The following TRIM28 variants were observed in gnomAD, a reference collection of about 807,000 sequenced individuals.
The protein encoded by TRIM28 is transcription intermediary factor 1-beta.
A neutral mutation model predicts 87.4 loss-of-function variants in TRIM28; 8 were observed. The observed-to-expected ratio is 0.09, with a 90% CI of 0.05 to 0.17. The LOEUF (loss-of-function observed/expected upper bound fraction) is 0.17, where lower values mean the gene tolerates loss of function less well. Ranked by LOEUF, TRIM28 falls within the 10% of genes least tolerant of loss-of-function variation. The pLI, the probability that TRIM28 is intolerant of heterozygous loss-of-function variation, is 1.00. For missense variants in TRIM28, 968 were observed against 1,131.8 expected, an observed-to-expected ratio of 0.86 and a Z score of 2.08; for synonymous variants, 601 against 454.3, an observed-to-expected ratio of 1.32 and a Z score of -4.11.
At position 58,545,531 on chromosome 19, in the gene TRIM28, G is replaced by A; in HGVS notation, c.447G>A (p.Ala149=). ...AGGCTGCCACCGACGCCCAGGATGC[G>A]AACCAGGTGCGTCCTATCTCAGCAA... The part of the protein sequence containing the change: ...GSKAATDAQD[A]NQCCTSCEDN... Residue 149 remains alanine (A), a synonymous_variant, in exon 2 of 17, where the codon GCG becomes GCA. Coordinates refer to ENST00000253024, the MANE Select transcript of TRIM28 (RefSeq NM_005762.3). 6.2e-7 allele frequency: 1 copy of A among 1,610,018 alleles called. No individual in the cohort carries two copies. The highest frequency in any genetic ancestry group is 1.1e-5 in the South Asian group (1 of 90,970).
At chr19:58,545,222 T>G in intron 1 of TRIM28, 125 bp downstream of exon 1, 1 of 988,260 alleles carries the variant, frequency 1.0e-6, no homozygotes, top group Non-Finnish European at 1.4e-6. Context: ...GGGAAATACT[T>G]TCTGGGTCCT....
rs565038877 is a variant in TRIM28, at chr19:58,545,154, C to G, written c.340+57C>G. 5.9e-6 allele frequency: 8 copies of G among 1,355,350 alleles called. 1 individual carries two copies. In the South Asian group the frequency reaches 1.1e-4, roughly 19 times the overall value. 84.0% of individuals were successfully genotyped at this position (1,355,350 alleles called of 1,614,324 possible). A position where few individuals can be genotyped will look rare whatever the true frequency, so the allele number is the denominator to read the frequency against. ...CCCTACTCTCTGCCTTTGATTCCGA[C>G]TGGGTGCAGAGATGAGGATGCCACC... On this transcript the variant is annotated intron_variant, in intron 1 of 16. Transcript: ENST00000253024.
chr19:58,548,257 G>C, intron 7 of TRIM28, 37 bp from the exon 8 acceptor site: 1 of 1,613,884 alleles, frequency 6.2e-7, no homozygotes, highest in Non-Finnish European at 8.5e-7. Context: ...TTTGTTGTTG[G>C]TGTGCTCATT....
rs749537245 is a variant in TRIM28 at position 58,549,907 on chromosome 19, A to G, written c.2107-42A>G. On this transcript the variant is annotated intron_variant, in intron 14 of 16. Coordinates refer to ENST00000253024, the MANE Select transcript of TRIM28 (RefSeq NM_005762.3). This position sits in a 1 kb window ranked among gnomAD's most constrained non-coding sequence, Gnocchi z 4.4. ...GTGGGGTTGCCCAGAGAGGCTTTAT[A>G]GGTGCTGCCCAGAGCTGTGACATCC... is the stretch of plus-strand genomic sequence containing the variant. 2.3e-5 allele frequency: 37 copies of G among 1,613,854 alleles called. No homozygotes were observed. Among genetic ancestry groups the G allele is most frequent in the Non-Finnish European group, 2.8e-5 (33 of 1,179,966 alleles).
chr19:58,547,131 C>A, intron 3 of TRIM28: 1 of 505,520 alleles, frequency 2.0e-6, no homozygotes, highest in Non-Finnish European at 3.6e-6. Flanking sequence ...CTTACCCTTA[C>A]ATTGTTGTTA....
At position 58,550,053 on chromosome 19, in the gene TRIM28, A is replaced by C. The variant is rs1480127849; in HGVS notation, c.2193+18A>C. On this transcript the variant is annotated intron_variant, in intron 15 of 16. Transcript: ENST00000253024. ...TCTCCCTGGTGAGTCCTAGGATGGGAAAGGGGAAGGGGGTGGTGGCTGCTG... is the reference window on the plus strand; with the variant it reads ...TCTCCCTGGTGAGTCCTAGGATGGGCAAGGGGAAGGGGGTGGTGGCTGCTG... The C allele has an allele frequency of 6.2e-7, 1 of 1,613,754 alleles. No individual in the cohort carries two copies. The highest frequency in any genetic ancestry group is 8.5e-7 in the Non-Finnish European group (1 of 1,179,894).
At position 58,549,216 on chromosome 19, in the gene TRIM28, C is replaced by G. The variant is rs2053790872; in HGVS notation, c.1638C>G (p.Pro546=). 1 of 1,613,694 alleles carries G rather than the reference C, an allele frequency of 6.2e-7. No homozygotes were observed. Among genetic ancestry groups the G allele is most frequent in the Non-Finnish European group, 8.5e-7 (1 of 1,179,768 alleles). Residue 546 remains proline (P), a synonymous_variant, in exon 12 of 17, where the codon CCC becomes CCG. Transcript: ENST00000253024. This position sits in a 1 kb window ranked among gnomAD's most constrained non-coding sequence, Gnocchi z 4.4. ...CTGCAGGAACCCCTGGTGCCCCACC[C>G]CTGGCTGGCATGGCCATTGTCAAGG... The part of the protein sequence containing the change: ...TAPAGTPGAP[P]LAGMAIVKEE...
chr19:58,550,352 T>A (rs746735509), intron 16 of TRIM28, 25 bp from the exon 17 acceptor site: 7 of 1,612,744 alleles, frequency 4.3e-6, no homozygotes, highest in Non-Finnish European at 5.9e-6. Context: ...GACCCATTCA[T>A]CCACTGCATT....
Position 58,547,591 on chromosome 19 carries a change from T to C in TRIM28, c.723-6T>C. 2 of 1,613,914 alleles carry C rather than the reference T, an allele frequency of 1.2e-6. No individual in the cohort carries two copies. Among genetic ancestry groups the C allele is most frequent in the Non-Finnish European group, 1.7e-6 (2 of 1,179,950 alleles). Reference sequence around the variant, plus strand: ...AGTGCTCAGGAACACATCTGTCTGCTCTCAGGTACCAGTTCTTAGAGGATG... The same window carrying C: ...AGTGCTCAGGAACACATCTGTCTGCCCTCAGGTACCAGTTCTTAGAGGATG... On this transcript the variant is annotated splice_polypyrimidine_tract_variant and splice_region_variant and intron_variant, in intron 4 of 16. Coordinates refer to ENST00000253024, the MANE Select transcript of TRIM28 (RefSeq NM_005762.3).
rs1435504559 is a variant in TRIM28 at position 58,545,311 on chromosome 19, G to T, written c.341-114G>T. 4 of 973,266 alleles carry T rather than the reference G, an allele frequency of 4.1e-6. No homozygotes were observed. The African/African-American group carries it at 6.5e-5, about 16-fold the overall frequency. 60.3% of individuals were successfully genotyped at this position (973,266 alleles called of 1,614,324 possible). On this transcript the variant is annotated intron_variant, in intron 1 of 16. Coordinates refer to ENST00000253024, the MANE Select transcript of TRIM28 (RefSeq NM_005762.3). ...TGGAGAAAAGAAGGCTCGGGGAGGGGAGGGGCTGGTTCGCTGCGGGATAAT... is the reference window on the plus strand; with the variant it reads ...TGGAGAAAAGAAGGCTCGGGGAGGGTAGGGGCTGGTTCGCTGCGGGATAAT...
intron 15 of TRIM28, 31 bp from the exon 16 acceptor site, chr19:58,550,116 T>TTG: frequency 1.9e-6 from 3 of 1,613,470 alleles, no homozygotes; most frequent in Non-Finnish European, 2.5e-6. Flanking sequence ...ATGTGTGTCT[T>TTG]TGTGTGTGTA....
intron 2 of TRIM28, 23 bp downstream of exon 2, chr19:58,545,560 C>G (rs1211105813): frequency 1.0e-5 from 16 of 1,585,168 alleles, no homozygotes; most frequent in Non-Finnish European, 1.3e-5. Flanking sequence ...TCAGCAACCA[C>G]AAGGAGGTTT....
intron 1 of TRIM28, 120 bp downstream of exon 1, chr19:58,545,217 A>C (rs2053750301): frequency 2.0e-6 from 2 of 1,022,988 alleles, no homozygotes; most frequent in African/African-American, 1.6e-5. Context: ...GGCACGGGAA[A>C]TACTTTCTGG....
chr19:58,548,004 C>G (rs371882148), intron 6 of TRIM28, 30 bp from the exon 7 acceptor site: 5 of 1,613,634 alleles, frequency 3.1e-6, no homozygotes, highest in Non-Finnish European at 4.2e-6. Context: ...TCTGCCTTCT[C>G]TGCTTACCTC....
In TRIM28 at chr19:58,549,183, G is replaced by A. The variant is rs780511684; in HGVS notation, c.1605G>A (p.Gly535=). 6.7e-5 allele frequency: 108 copies of A among 1,613,806 alleles called. No homozygotes were observed. Among genetic ancestry groups the A allele is most frequent in the Non-Finnish European group, 7.1e-5 (84 of 1,179,932 alleles). ...CCGCTGCAGCTACCGGCCAGCCAGG[G>A]ACTGCGCCTGCAGGAACCCCTGGTG... The part of the protein sequence containing the change: ...GAAAAATGQP[G]TAPAGTPGAP... The change falls in exon 12 of 17, where the codon GGG becomes GGA. Residue 535 remains glycine, a synonymous_variant. Transcript: ENST00000253024. The surrounding 1 kb of genome is among the most constrained non-coding windows in gnomAD (Gnocchi z 4.4).
In TRIM28 at chr19:58,549,593, A is replaced by G. The variant is rs1480062976; in HGVS notation, c.1925A>G (p.Gln642Arg). 6.2e-7 allele frequency: 1 copy of G among 1,614,082 alleles called. No homozygotes were observed. Among genetic ancestry groups the G allele is most frequent in the Non-Finnish European group, 8.5e-7 (1 of 1,179,972 alleles). Residue 642 changes from glutamine (Q) to arginine (R), a missense_variant, in exon 13 of 17, where the codon CAG becomes CGG. By Grantham distance (43) the Gln-to-Arg change is conservative. This residue lies in a region of TRIM28 where 18 missense variants were observed against 40.9 expected (regional missense o/e 0.44). Transcript: ENST00000253024. The surrounding 1 kb of genome is among the most constrained non-coding windows in gnomAD (Gnocchi z 4.4). Reference sequence around the variant, plus strand: ...CCAGGCGATCTGGTTATGTGCAACCAGTGTGAGTTTTGTTTCCACCTGGAC... The same window carrying G: ...CCAGGCGATCTGGTTATGTGCAACCGGTGTGAGTTTTGTTTCCACCTGGAC... ...QKPGDLVMCNQCEFCFHLDCH... is the reference protein window; with the variant it reads ...QKPGDLVMCNRCEFCFHLDCH...
chr19:58,544,790 A>G lies in TRIM28; in HGVS notation c.33A>G (p.Ala11=), dbSNP rs1445614419. The G allele has an allele frequency of 5.9e-6, 7 of 1,188,690 alleles. No individual in the cohort carries two copies. In the Admixed American group the frequency reaches 1.4e-4, roughly 23 times the overall value. 73.6% of individuals were successfully genotyped at this position (1,188,690 alleles called of 1,614,324 possible). The stretch of plus-strand genomic sequence containing the variant: ...CCTCCGCGGCGGCAGCCTCGGCAGC[A>G]GCGGCCTCGGCCGCCTCTGGCAGCC... The part of the protein sequence containing the change: MAASAAAASA[A]AASAASGSPG... Residue 11 remains alanine (A), a synonymous_variant, in exon 1 of 17, where the codon GCA becomes GCG. Transcript: ENST00000253024.
chr19:58,545,519 C>T lies in TRIM28; in HGVS notation c.435C>T (p.Asp145=). The stretch of plus-strand genomic sequence containing the variant: ...ATAGTGGCAGCAAGGCTGCCACCGA[C>T]GCCCAGGATGCGAACCAGGTGCGTC... ...MRDSGSKAAT[D]AQDANQCCTS... is the part of the protein sequence containing the mutation. Residue 145 remains aspartate (D), a synonymous_variant, in exon 2 of 17, where the codon GAC becomes GAT. Coordinates refer to ENST00000253024, the MANE Select transcript of TRIM28 (RefSeq NM_005762.3). 3 of 1,612,022 alleles carry T rather than the reference C, an allele frequency of 1.9e-6. No individual in the cohort carries two copies. The highest frequency in any genetic ancestry group is 2.5e-6 in the Non-Finnish European group (3 of 1,179,392).
At chr19:58,545,161 CAG>C in intron 1 of TRIM28, 64 bp downstream of exon 1, 1 of 1,346,484 alleles carries the variant, frequency 7.4e-7, no homozygotes. Context: ...CGACTGGGTG[CAG>C]AGATGAGGAT....
Sources: allele counts gnomAD v4.1 joint callset, GRCh38; gene constraint gnomAD v4.1.1; regional missense constraint gnomAD v4.1.1; non-coding constraint Gnocchi (gnomAD v3.1); transcripts MANE v1.5; gene names NCBI Gene and HGNC (gene_info 2026-07-23, HGNC 2026-07-21).